DNAH11: variants seen among roughly 807,000 people sequenced by gnomAD.
DNAH11 encodes axonemal beta dynein heavy chain 11.
Under a neutral mutation model 526.0 loss-of-function variants are expected in DNAH11, and 442 were observed. That is an observed-to-expected ratio of 0.84 (90% CI 0.78 to 0.91). The LOEUF (loss-of-function observed/expected upper bound fraction) is 0.91, where lower values mean the gene tolerates loss of function less well. Among genes scored for constraint, DNAH11 ranks in the 40% least tolerant of loss-of-function variants. The pLI is 0.00. For missense variants in DNAH11, 6,989 were observed against 5,448.7 expected (o/e 1.28, Z -8.90); for synonymous variants, 2,461 against 1,935.9 (o/e 1.27, Z -7.12).
intron 44 of DNAH11, among the ~76,000 whole-genome samples, chr7:21,722,228 C>G (rs1279268231): frequency 1.3e-5 from 2 of 152,180 alleles, no homozygotes; most frequent in Non-Finnish European, 2.9e-5. Flanking sequence ...GGCAAAGTAA[C>G]TTGCCCAAAG....
intron 9 of DNAH11, among the ~76,000 whole-genome samples, chr7:21,583,077 A>G (rs1169162545): frequency 6.6e-6 from 1 of 152,212 alleles, no homozygotes; most frequent in Non-Finnish European, 1.5e-5. Flanking sequence ...ACAGAATTAG[A>G]AAAAACTACT....
At chr7:21,548,227 A>G (rs11766898) in intron 2 of DNAH11, among the ~76,000 whole-genome samples, 29,082 of 151,402 alleles carry the variant, frequency 0.19, 2,891 homozygotes, top group Middle Eastern at 0.27. Flanking sequence ...AGCATAACAC[A>G]TACACCCCCT....
At position 21,589,390 on chromosome 7, in the gene DNAH11, A is replaced by C. The variant is rs551038953; in HGVS notation, c.2156A>C (p.Asn719Thr). Residue 719 changes from asparagine (N) to threonine (T), a missense_variant, in exon 12 of 82, where the codon AAT (asparagine) becomes ACT (threonine). Transcript: ENST00000409508. The part of the protein sequence containing the change: ...FSAINGLLCV[N>T]FDPKLVAVLR... ...GCCATAAATGGTCTTCTCTGTGTCA[A>C]TTTTGACCCAAAGGTAGGGATTTGA... The C allele has an allele frequency of 3.7e-6, 6 of 1,600,746 alleles. No individual in the cohort carries two copies. The highest frequency in any genetic ancestry group is 5.1e-6 in the Non-Finnish European group (6 of 1,175,236).
chr7:21,586,009 C>G (rs1784468565), intron 9 of DNAH11, among the ~76,000 whole-genome samples: 1 of 152,196 alleles, frequency 6.6e-6, no homozygotes, highest in South Asian at 2.1e-4. Flanking sequence ...GACCTTTACT[C>G]TCCTCCTGGA....
intron 65 of DNAH11, among the ~76,000 whole-genome samples, chr7:21,823,375 C>T (rs987920666): frequency 6.6e-6 from 1 of 152,054 alleles, no homozygotes; most frequent in African/African-American, 2.4e-5. Flanking sequence ...CCAGCCCTTT[C>T]ATTTCTTCTT....
intron 14 of DNAH11, among the ~76,000 whole-genome samples, chr7:21,594,829 G>T (rs1312850606): frequency 6.6e-6 from 1 of 152,120 alleles, no homozygotes; most frequent in African/African-American, 2.4e-5. Context: ...CTCAGGGGAG[G>T]CTTCATAGGC....
In DNAH11 at chr7:21,617,753, G is replaced by T. The variant is rs367916239; in HGVS notation, c.4230G>T (p.Trp1410Cys). 2.0e-5 allele frequency: 32 copies of T among 1,605,320 alleles called. No homozygotes were observed. In the African/African-American group the frequency reaches 3.4e-4, roughly 17 times the overall value. Residue 1410 changes from tryptophan (W) to cysteine (C), a missense_variant, in exon 23 of 82, where the codon TGG becomes TGT. Physicochemically the swap from Trp to Cys is radical, Grantham distance 215 (BLOSUM62 -2). Coordinates refer to ENST00000409508, the MANE Select transcript of DNAH11 (RefSeq NM_001277115.2). ...GCCCTGCCCTCAGGGACAGGCATTG[G>T]CACCAGCTGATGAAAGCTATTGGGG... ...LQSPALRDRH[W>C]HQLMKAIGVK...
intron 65 of DNAH11, among the ~76,000 whole-genome samples, chr7:21,841,230 AAAAAT>A (rs1160799368): frequency 3.3e-5 from 5 of 152,188 alleles, no homozygotes; most frequent in African/African-American, 1.2e-4. Flanking sequence ...TCATCTTTAT[AAAAAT>A]AAAATATTTT....
chr7:21,860,382 T>C (rs1490601197), intron 68 of DNAH11, among the ~76,000 whole-genome samples: 1 of 152,168 alleles, frequency 6.6e-6, no homozygotes, highest in African/African-American at 2.4e-5. Flanking sequence ...GAAAACAGTG[T>C]AGCAATTCCT....
At position 21,748,723 on chromosome 7, in the gene DNAH11, A is replaced by G. The variant is rs758234780; in HGVS notation, c.8654A>G (p.Tyr2885Cys). The change falls in exon 52 of 82, where the codon TAT (tyrosine) becomes TGT (cysteine). Residue 2885 changes from tyrosine to cysteine, a missense_variant. Coordinates refer to ENST00000409508, the MANE Select transcript of DNAH11 (RefSeq NM_001277115.2). ...EVFQITLTEG[Y>C]GIQELRVDLA... ...TTTCAGATCACTCTGACCGAGGGCTATGGAATCCAGGAACTTCGGGTGAGT... is the reference window on the plus strand; with the variant it reads ...TTTCAGATCACTCTGACCGAGGGCTGTGGAATCCAGGAACTTCGGGTGAGT... The G allele has an allele frequency of 3.7e-6, 6 of 1,613,260 alleles. No homozygotes were observed. Among genetic ancestry groups the G allele is most frequent in the South Asian group, 3.3e-5 (3 of 90,970 alleles).
chr7:21,669,121 A>G (rs1358783399), intron 30 of DNAH11, among the ~76,000 whole-genome samples: 1 of 152,116 alleles, frequency 6.6e-6, no homozygotes, highest in Non-Finnish European at 1.5e-5. Context: ...TACATCCTCT[A>G]TTGTGAAGTA....
intron 31 of DNAH11, among the ~76,000 whole-genome samples, chr7:21,683,088 T>G (rs1035378434): frequency 1.3e-5 from 2 of 152,188 alleles, no homozygotes; most frequent in Non-Finnish European, 2.9e-5. Context: ...TATTTTGTAC[T>G]AAAAAATACT....
intron 25 of DNAH11, among the ~76,000 whole-genome samples, chr7:21,625,013 C>G (rs1286320084): frequency 6.6e-6 from 1 of 151,278 alleles, no homozygotes; most frequent in Admixed American, 6.6e-5. Context: ...TTGTGGTGTC[C>G]TTGTTTGGCT....
chr7:21,687,584 G>A (rs943387600), intron 34 of DNAH11, 57 bp downstream of exon 34: 2 of 1,567,478 alleles, frequency 1.3e-6, no homozygotes, highest in South Asian at 2.4e-5. Flanking sequence ...AATAATGCAG[G>A]TAACCTCCCC....
Position 21,744,434 on chromosome 7 carries a change from G to A in DNAH11, c.8155-4G>A. 4 of 1,613,142 alleles carry A rather than the reference G, an allele frequency of 2.5e-6. No individual in the cohort carries two copies. Among genetic ancestry groups the A allele is most frequent in the South Asian group, 2.2e-5 (2 of 90,810 alleles). Reference sequence around the variant, plus strand: ...AAGGTATTTTCCCCATTCTTGCCTTGTAGGGGATTTTATTTGCTTCTCCTG... The same window carrying A: ...AAGGTATTTTCCCCATTCTTGCCTTATAGGGGATTTTATTTGCTTCTCCTG... On this transcript the variant is annotated splice_region_variant and splice_polypyrimidine_tract_variant and intron_variant, in intron 49 of 81. Coordinates refer to ENST00000409508, the MANE Select transcript of DNAH11 (RefSeq NM_001277115.2).
At chr7:21,703,839 G>A (rs571881853) in intron 37 of DNAH11, 1 of 151,808 alleles carries the variant, frequency 6.6e-6, no homozygotes, top group African/African-American at 2.4e-5. Flanking sequence ...ACTTTTCTTT[G>A]CCAATATTTC....
chr7:21,655,954 C>G lies in DNAH11; in HGVS notation c.5067C>G (p.Phe1689Leu). 1.2e-6 allele frequency: 2 copies of G among 1,607,702 alleles called. No homozygotes were observed. Among genetic ancestry groups the G allele is most frequent in the South Asian group, 2.2e-5 (2 of 89,788 alleles). ...MYSKEKEYVP[F>L]QAECECVGHV... ...GCAAAGAAAAGGAGTATGTCCCATT[C>G]CAAGCCGAGTGTGAATGTGTGGGCC... Residue 1689 changes from phenylalanine (F) to leucine (L), a missense_variant, in exon 29 of 82, where the codon TTC becomes TTG. Phe to Leu is a conservative substitution (Grantham distance 22, BLOSUM62 0). Transcript: ENST00000409508.
chr7:21,606,423 C>T lies in DNAH11; in HGVS notation c.3649-3C>T, dbSNP rs1785284753. The T allele has an allele frequency of 1.2e-6, 2 of 1,604,392 alleles. No individual in the cohort carries two copies. The highest frequency in any genetic ancestry group is 1.1e-5 in the South Asian group (1 of 87,834). The stretch of plus-strand genomic sequence containing the variant: ...TTTCGCATTTGTGCCTTTGCTTTTG[C>T]AGGAATTACCTGAAAGATGGGAAAC... On this transcript the variant is annotated splice_polypyrimidine_tract_variant and splice_region_variant and intron_variant, in intron 18 of 81. Coordinates refer to ENST00000409508, the MANE Select transcript of DNAH11 (RefSeq NM_001277115.2).
intron 4 of DNAH11, among the ~76,000 whole-genome samples, chr7:21,560,647 T>TG (rs752225261): frequency 2.7e-4 from 38 of 143,242 alleles, no homozygotes; most frequent in Non-Finnish European, 4.7e-4. Context: ...TTCCATCTTC[T>TG]CCTGCCTGCT....
Sources: allele counts gnomAD v4.1 joint callset (sites outside exome capture counted in the v4.1 genomes callset), GRCh38; gene constraint gnomAD v4.1.1; transcripts MANE v1.5; gene names NCBI Gene and HGNC (gene_info 2026-07-23, HGNC 2026-07-21).